PIGN: variants seen among roughly 807,000 people sequenced by gnomAD.
The protein encoded by PIGN is phosphatidylinositol glycan anchor biosynthesis class N.
PIGN carries 117 observed loss-of-function variants against 125.4 expected under a neutral mutation model. The ratio of observed to expected loss-of-function variants is 0.93; its 90% confidence interval spans 0.80 to 1.09. The LOEUF is 1.09. PIGN is among the 50% of genes least tolerant of loss of function. The pLI is 0.00. For synonymous variants in PIGN, 392 were observed against 377.8 expected, an observed-to-expected ratio of 1.04 and a Z score of -0.44; for missense variants, 1,075 against 1,094.9, an observed-to-expected ratio of 0.98 and a Z score of 0.26.
At chr18:62,165,106 A>C (rs1269605248) in intron 1 of PIGN, among the ~76,000 whole-genome samples, 3 of 152,178 alleles carry the variant, frequency 2.0e-5, no homozygotes, top group African/African-American at 7.2e-5. Context: ...CACAGCACTG[A>C]GTTCTCACTC....
At chr18:62,061,991 T>C (rs1481714960) in intron 30 of PIGN, among the ~76,000 whole-genome samples, 1 of 152,138 alleles carries the variant, frequency 6.6e-6, no homozygotes, top group African/African-American at 2.4e-5. Context: ...CATGAACCAC[T>C]CCTGCCCATT....
chr18:62,107,852 T>C lies in PIGN; in HGVS notation c.1575-767A>G, dbSNP rs149976923. Among the ~76,000 whole-genome samples, 241 of 152,294 alleles carry C rather than the reference T, an allele frequency of 1.6e-3. 1 individual carries two copies. Among genetic ancestry groups the C allele is most frequent in the African/African-American group, 5.4e-3 (225 of 41,566 alleles). On this transcript the variant is annotated intron_variant, in intron 17 of 30. Coordinates refer to ENST00000640252, the MANE Select transcript of PIGN (RefSeq NM_176787.5). ...TAGTTAGAGAAAAATCTTAATTACA[T>C]TTTCTAACTGAGCTAAATAACCTTT...
intron 1 of PIGN, 61 bp downstream of exon 1, chr18:62,186,783 G>C (rs1356082796): frequency 6.6e-6 from 1 of 151,396 alleles, no homozygotes; most frequent in African/African-American, 2.4e-5. Context: ...CAGCGCGTCC[G>C]CGGGCGCGAC....
At chr18:62,027,591 C>T (rs193243451) in intron 23 of PIGN, among the ~76,000 whole-genome samples, 18 of 152,270 alleles carry the variant, frequency 1.2e-4, no homozygotes, top group African/African-American at 3.6e-4. Context: ...GAGTTTCTGA[C>T]GAACCTCTCC....
intron 1 of PIGN, among the ~76,000 whole-genome samples, chr18:62,174,969 C>A (rs892472088): frequency 3.4e-5 from 5 of 148,950 alleles, no homozygotes; most frequent in African/African-American, 1.2e-4. Context: ...AATAAAATTT[C>A]TTGATTACAG....
intron 30 of PIGN, among the ~76,000 whole-genome samples, chr18:62,062,073 T>C (rs1302311904): frequency 6.6e-6 from 1 of 152,150 alleles, no homozygotes; most frequent in Admixed American, 6.5e-5. Flanking sequence ...GGAAAGACCT[T>C]AGAATTCTAA....
At chr18:62,150,792 C>T (rs556882557) in intron 7 of PIGN, among the ~76,000 whole-genome samples, 84 of 152,194 alleles carry the variant, frequency 5.5e-4, no homozygotes, top group African/African-American at 1.7e-3. Flanking sequence ...CTCCACCTCC[C>T]GGGTTCAAGC....
intron 12 of PIGN, 96 bp downstream of exon 12, chr18:62,140,324 A>AC: frequency 1.8e-6 from 1 of 562,720 alleles, no homozygotes; most frequent in Non-Finnish European, 3.1e-6. Context: ...TAAAAAAAAA[A>AC]CCCAGATTAT....
chr18:62,079,010 C>G (rs2033317910), intron 28 of PIGN, among the ~76,000 whole-genome samples: 1 of 152,184 alleles, frequency 6.6e-6, no homozygotes, highest in Admixed American at 6.5e-5. Context: ...GTGGCCCCTT[C>G]TTTTCTGCCC....
chr18:62,074,463 A>C (rs2033064804), intron 29 of PIGN, among the ~76,000 whole-genome samples: 1 of 152,138 alleles, frequency 6.6e-6, no homozygotes. Context: ...TCAACATTTC[A>C]GTAGAAAAAT....
chr18:62,028,527 T>C (rs545589042), intron 23 of PIGN, among the ~76,000 whole-genome samples: 1 of 152,350 alleles, frequency 6.6e-6, no homozygotes, highest in South Asian at 2.1e-4. Flanking sequence ...GCTTCAGACA[T>C]TTTCTGCTTA....
intron 1 of PIGN, among the ~76,000 whole-genome samples, chr18:62,173,245 G>A (rs1341584076): frequency 6.6e-6 from 1 of 152,082 alleles, no homozygotes; most frequent in African/African-American, 2.4e-5. Context: ...ACGCAACTTG[G>A]TGTCTATTCT....
intron 4 of PIGN, 56 bp from the exon 5 acceptor site, chr18:62,157,864 T>C (rs142324287): frequency 6.7e-7 from 1 of 1,483,642 alleles, no homozygotes; most frequent in Non-Finnish European, 9.2e-7. Flanking sequence ...TACTCTCACA[T>C]AAAGCTTTAG....
At chr18:62,182,594 G>A (rs921245187) in intron 1 of PIGN, among the ~76,000 whole-genome samples, 2 of 151,920 alleles carry the variant, frequency 1.3e-5, no homozygotes, top group Non-Finnish European at 2.9e-5. Context: ...TCTCTTATGC[G>A]AACTACTGCA....
chr18:62,034,336 C>T (rs949960392), intron 23 of PIGN, among the ~76,000 whole-genome samples: 42 of 152,188 alleles, frequency 2.8e-4, no homozygotes, highest in Admixed American at 1.5e-3. Context: ...CCTCAGCCTC[C>T]TGTGTTGGAG....
At chr18:62,033,770 A>G (rs1165685761) in intron 23 of PIGN, among the ~76,000 whole-genome samples, 1 of 152,216 alleles carries the variant, frequency 6.6e-6, no homozygotes, top group Non-Finnish European at 1.5e-5. Flanking sequence ...CAGCTGTATC[A>G]TCTATACCCA....
intron 22 of PIGN, among the ~76,000 whole-genome samples, chr18:62,098,765 C>G (rs917431555): frequency 6.6e-6 from 1 of 152,122 alleles, no homozygotes; most frequent in African/African-American, 2.4e-5. Flanking sequence ...GAACCTAGCT[C>G]TACCAATCCC....
intron 1 of PIGN, among the ~76,000 whole-genome samples, chr18:62,183,897 T>C (rs56208741): frequency 6.6e-6 from 1 of 151,832 alleles, no homozygotes; most frequent in East Asian, 1.9e-4. Context: ...TTAATGTAAA[T>C]AAAATTGCAG....
chr18:62,018,607 C>T (rs2030011182), intron 23 of PIGN, among the ~76,000 whole-genome samples: 1 of 152,092 alleles, frequency 6.6e-6, no homozygotes, highest in African/African-American at 2.4e-5. Flanking sequence ...CTGAGCTGAG[C>T]ACATGGTTTG....
Sources: gnomAD v4.1 joint callset for allele counts (sites outside exome capture counted in the v4.1 genomes callset) on GRCh38, gnomAD v4.1.1 for gene constraint, MANE v1.5 for transcripts, NCBI Gene and HGNC (gene_info 2026-07-23, HGNC 2026-07-21) for gene names.